Variants in DKK2 observed in about 807,000 individuals in gnomAD.
DKK2 encodes dickkopf Wnt signaling pathway inhibitor 2.
A neutral mutation model predicts 28.1 loss-of-function variants in DKK2; 11 were observed. The observed-to-expected ratio is 0.39, with a 90% CI of 0.25 to 0.65. The LOEUF (loss-of-function observed/expected upper bound fraction) is 0.65. Among genes scored for constraint, DKK2 ranks in the 30% least tolerant of loss-of-function variants. DKK2 has a pLI of 0.47. For synonymous variants in DKK2, 135 were observed against 126.5 expected (o/e 1.07, Z -0.45); for missense variants, 326 against 335.5 (o/e 0.97, Z 0.22).
At chr4:106,967,944 A>G (rs532021620) in intron 1 of DKK2, among the ~76,000 whole-genome samples, 10 of 136,694 alleles carry the variant, frequency 7.3e-5, no homozygotes, top group African/African-American at 2.8e-4. Flanking sequence ...GAAGGAAGAA[A>G]GAGAGAAAAC....
At chr4:107,011,185 A>AT (rs1723511792) in intron 1 of DKK2, among the ~76,000 whole-genome samples, 1 of 151,524 alleles carries the variant, frequency 6.6e-6, no homozygotes, top group Non-Finnish European at 1.5e-5. Context: ...GTTTCTTAAA[A>AT]TTTAGTTGCA....
chr4:106,980,984 C>T (rs77162344), intron 1 of DKK2, among the ~76,000 whole-genome samples: 4 of 152,064 alleles, frequency 2.6e-5, no homozygotes, highest in East Asian at 1.9e-4. Context: ...TCCCTCCACC[C>T]GAAGAAGGCA....
chr4:107,031,588 A>G (rs939664887), intron 1 of DKK2, among the ~76,000 whole-genome samples: 1 of 152,058 alleles, frequency 6.6e-6, no homozygotes, highest in Non-Finnish European at 1.5e-5. Context: ...GTGTTAAACC[A>G]TAGCTTCTTT....
rs775195730 is a variant in DKK2, at chr4:106,924,658, A to G, written c.416T>C (p.Ile139Thr). 1 of 1,613,800 alleles carries G rather than the reference A, an allele frequency of 6.2e-7. No homozygotes were observed. Among genetic ancestry groups the G allele is most frequent in the Non-Finnish European group, 8.5e-7 (1 of 1,179,808 alleles). Residue 139 changes from isoleucine (I) to threonine (T), a missense_variant, in exon 3 of 4, where the codon ATC (isoleucine) becomes ACC (threonine). Transcript: ENST00000285311. The stretch of plus-strand genomic sequence containing the variant: ...GTGCCGAGTACCATCCAGAGCCGGG[A>G]TGTGAGGGGTTAAGATGCTTTCAGT... ...PVTESILTPH[I>T]PALDGTRHRD...
rs1578366554 is a variant in DKK2, at chr4:106,981,265, A to G, written c.222+54105T>C. Among the ~76,000 whole-genome samples, 4 of 152,328 alleles carry G rather than the reference A, an allele frequency of 2.6e-5. No individual in the cohort carries two copies. In the East Asian group the frequency reaches 7.7e-4, roughly 29 times the overall value. On this transcript the variant is annotated intron_variant, in intron 1 of 3. Transcript: ENST00000285311. Reference sequence around the variant, plus strand: ...ATGATAAAAATATTATAATTTCATAATTGACACAATATGCAAATAAATATT... The same window carrying G: ...ATGATAAAAATATTATAATTTCATAGTTGACACAATATGCAAATAAATATT...
At chr4:107,007,647 C>T (rs533546528) in intron 1 of DKK2, among the ~76,000 whole-genome samples, 5 of 152,164 alleles carry the variant, frequency 3.3e-5, no homozygotes, top group Admixed American at 2.6e-4. Flanking sequence ...ATCAGCAGTT[C>T]TGTTGTCATC....
At chr4:106,929,336 G>A (rs960289715) in intron 1 of DKK2, among the ~76,000 whole-genome samples, 1 of 152,144 alleles carries the variant, frequency 6.6e-6, no homozygotes, top group Non-Finnish European at 1.5e-5. Flanking sequence ...ATGATTGTGT[G>A]GAAGACTGGA....
intron 1 of DKK2, among the ~76,000 whole-genome samples, chr4:107,006,299 C>T (rs1365853649): frequency 6.6e-6 from 1 of 151,964 alleles, no homozygotes; most frequent in Admixed American, 6.6e-5. Flanking sequence ...GTAATGTGGG[C>T]AGGGTATTAT....
chr4:106,972,815 G>A (rs1423919770), intron 1 of DKK2, among the ~76,000 whole-genome samples: 1 of 152,110 alleles, frequency 6.6e-6, no homozygotes, highest in African/African-American at 2.4e-5. Context: ...AGGTATGCAT[G>A]TGCCATGATG....
chr4:106,987,887 T>C (rs1000412112), intron 1 of DKK2, among the ~76,000 whole-genome samples: 35 of 148,452 alleles, frequency 2.4e-4, no homozygotes, highest in African/African-American at 8.4e-4. Flanking sequence ...TTTTTTGAGA[T>C]GGAGTCTCAA....
At chr4:107,034,226 G>A (rs574199625) in intron 1 of DKK2, among the ~76,000 whole-genome samples, 5 of 152,236 alleles carry the variant, frequency 3.3e-5, no homozygotes, top group Non-Finnish European at 5.9e-5. Context: ...GGGCGGCGGA[G>A]GACACCGAGA....
At chr4:106,980,962 G>A (rs540881766) in intron 1 of DKK2, among the ~76,000 whole-genome samples, 4 of 152,196 alleles carry the variant, frequency 2.6e-5, no homozygotes, top group South Asian at 2.1e-4. Flanking sequence ...TATGAAATAA[G>A]CATTATTATT....
chr4:106,970,252 T>C lies in DKK2; in HGVS notation c.223-44303A>G, dbSNP rs144748849. 3.4e-3 allele frequency among the ~76,000 whole-genome samples: 522 copies of C among 152,208 alleles called. 7 individuals are homozygous for C. The highest frequency in any genetic ancestry group is 0.012 in the African/African-American group (504 of 41,544). ...GAACATTTTCTGACACTGTGTGGGA[T>C]TGTTTAATTAAGGAGATAGATAAGC... On this transcript the variant is annotated intron_variant, in intron 1 of 3. Coordinates refer to ENST00000285311, the MANE Select transcript of DKK2 (RefSeq NM_014421.3).
At position 106,924,213 on chromosome 4, in the gene DKK2, A is replaced by T; in HGVS notation, c.530-9T>A. The stretch of plus-strand genomic sequence containing the variant: ...GGGGTCTCCTTCATGCCCTGCAGAG[A>T]TGATGACCAATAGATGTTACCCTGA... On this transcript the variant is annotated splice_polypyrimidine_tract_variant and intron_variant, in intron 3 of 3. Coordinates refer to ENST00000285311, the MANE Select transcript of DKK2 (RefSeq NM_014421.3). 3.1e-6 allele frequency: 5 copies of T among 1,613,694 alleles called. No individual in the cohort carries two copies. Among genetic ancestry groups the T allele is most frequent in the Non-Finnish European group, 4.2e-6 (5 of 1,179,802 alleles).
At chr4:107,020,374 A>G (rs989441853) in intron 1 of DKK2, among the ~76,000 whole-genome samples, 1 of 152,078 alleles carries the variant, frequency 6.6e-6, no homozygotes, top group African/African-American at 2.4e-5. Context: ...CCTCCTGGAA[A>G]GTGATGGGAA....
intron 1 of DKK2, among the ~76,000 whole-genome samples, chr4:106,957,161 A>T (rs1279952508): frequency 6.6e-6 from 1 of 152,208 alleles, no homozygotes; most frequent in African/African-American, 2.4e-5. Context: ...AATGCTCATC[A>T]TCACTGGCCA....
chr4:107,033,478 T>C (rs1050672485), intron 1 of DKK2, among the ~76,000 whole-genome samples: 1 of 152,164 alleles, frequency 6.6e-6, no homozygotes, highest in African/African-American at 2.4e-5. Flanking sequence ...AAGAAGAAGC[T>C]AGGTTCTGGG....
At chr4:107,011,191 T>C (rs1723511867) in intron 1 of DKK2, among the ~76,000 whole-genome samples, 3 of 151,474 alleles carry the variant, frequency 2.0e-5, no homozygotes, top group Admixed American at 6.6e-5. Flanking sequence ...TAAAATTTAG[T>C]TGCAATATGG....
chr4:107,025,508 T>C (rs1205766577), intron 1 of DKK2, among the ~76,000 whole-genome samples: 1 of 152,188 alleles, frequency 6.6e-6, no homozygotes, highest in Non-Finnish European at 1.5e-5. Context: ...AAAATATATT[T>C]CTTTCTCTGT....
Sources: allele counts gnomAD v4.1 joint callset (sites outside exome capture counted in the v4.1 genomes callset), GRCh38; gene constraint gnomAD v4.1.1; transcripts MANE v1.5; gene names NCBI Gene and HGNC (gene_info 2026-07-23, HGNC 2026-07-21).